TMEM132D: variants seen among roughly 807,000 people sequenced by gnomAD.
The protein encoded by TMEM132D is mature OL transmembrane protein.
Under a neutral mutation model 62.3 loss-of-function variants are expected in TMEM132D, and 21 were observed. That is an observed-to-expected ratio of 0.34 (90% CI 0.24 to 0.49). The LOEUF is 0.49. TMEM132D is among the 20% of genes least tolerant of loss of function. The pLI is 0.99. For missense variants in TMEM132D, 1,346 were observed against 1,402.8 expected, an observed-to-expected ratio of 0.96 and a Z score of 0.65; for synonymous variants, 621 against 575.6, an observed-to-expected ratio of 1.08 and a Z score of -1.13.
At chr12:129,160,964 C>T (rs539967382) in intron 5 of TMEM132D, among the ~76,000 whole-genome samples, 1 of 152,198 alleles carries the variant, frequency 6.6e-6, no homozygotes, top group Non-Finnish European at 1.5e-5. Flanking sequence ...TTGCATCACT[C>T]TCTGCAGAAA....
At chr12:129,215,280 AGAACACAT>A in intron 4 of TMEM132D, among the ~76,000 whole-genome samples, 1 of 152,306 alleles carries the variant, frequency 6.6e-6, no homozygotes, top group Admixed American at 6.5e-5. Flanking sequence ...CTAAATGATG[AGAACACAT>A]GAACACATAG....
chr12:129,553,369 C>A (rs1390190056), intron 2 of TMEM132D, among the ~76,000 whole-genome samples: 1 of 152,162 alleles, frequency 6.6e-6, no homozygotes, highest in Non-Finnish European at 1.5e-5. Flanking sequence ...TGTCTGTGCA[C>A]TGACAGGTCC....
At chr12:129,258,133 G>C (rs78537064) in intron 4 of TMEM132D, among the ~76,000 whole-genome samples, 11,098 of 152,178 alleles carry the variant, frequency 0.073, 579 homozygotes, top group Admixed American at 0.17. Context: ...ATCCTTTCCG[G>C]CTGGCTGATC....
intron 3 of TMEM132D, among the ~76,000 whole-genome samples, chr12:129,525,821 T>C (rs1876017297): frequency 6.6e-6 from 1 of 152,210 alleles, no homozygotes; most frequent in South Asian, 2.1e-4. Flanking sequence ...GGAATCATCA[T>C]TCGGATGGTA....
rs573746784 is a variant in TMEM132D at position 129,693,182 on chromosome 12, C to T, written c.968+6628G>A. Among the ~76,000 whole-genome samples the T allele has an allele frequency of 1.4e-3, 217 of 152,180 alleles. 2 individuals carry two copies. Among genetic ancestry groups the T allele is most frequent in the African/African-American group, 4.8e-3 (199 of 41,530 alleles). On this transcript the variant is annotated intron_variant, in intron 2 of 8. Coordinates refer to ENST00000422113, the MANE Select transcript of TMEM132D (RefSeq NM_133448.3). ...TTACTCACTAAGAAGAGGAATGAGG[C>T]GTGACAAGCCCTTCTCACCATTACT...
At chr12:129,801,024 G>T (rs553205693) in intron 1 of TMEM132D, among the ~76,000 whole-genome samples, 3 of 152,138 alleles carry the variant, frequency 2.0e-5, no homozygotes, top group Non-Finnish European at 2.9e-5. Flanking sequence ...AAAAAATGGC[G>T]CACCAGGAGA....
At chr12:129,605,614 T>C (rs61943515) in intron 2 of TMEM132D, among the ~76,000 whole-genome samples, 2,947 of 97,426 alleles carry the variant, frequency 0.03, 116 homozygotes, top group African/African-American at 0.081. Flanking sequence ...TACACACACA[T>C]ATATATATAC....
intron 4 of TMEM132D, among the ~76,000 whole-genome samples, chr12:129,318,520 A>T (rs535210162): frequency 2.6e-5 from 4 of 152,160 alleles, no homozygotes; most frequent in Non-Finnish European, 4.4e-5. Context: ...TCATCCATGG[A>T]TAACAGTGGC....
At chr12:129,460,243 G>A (rs192149934) in intron 3 of TMEM132D, among the ~76,000 whole-genome samples, 6 of 152,208 alleles carry the variant, frequency 3.9e-5, no homozygotes, top group Admixed American at 2.0e-4. Context: ...GTGTATTCCC[G>A]TGATGTCCGT....
At position 129,371,190 on chromosome 12, in the gene TMEM132D, G is replaced by A. The variant is rs534930194; in HGVS notation, c.1116-33373C>T. Among the ~76,000 whole-genome samples, 1 of 152,198 alleles carries A rather than the reference G, an allele frequency of 6.6e-6. No homozygotes were observed. Among genetic ancestry groups the A allele is most frequent in the South Asian group, 2.1e-4 (1 of 4,806 alleles). On this transcript the variant is annotated intron_variant, in intron 3 of 8. Transcript: ENST00000422113. The surrounding 1 kb of genome is among the most constrained non-coding windows in gnomAD (Gnocchi z 4.3). Reference sequence around the variant, plus strand: ...AGACTTGCTAAAACAAAGTCACACTGACTAAGTTTTCAAAAATATTACTTT... The same window carrying A: ...AGACTTGCTAAAACAAAGTCACACTAACTAAGTTTTCAAAAATATTACTTT...
At chr12:129,148,373 G>T (rs1489692785) in intron 5 of TMEM132D, among the ~76,000 whole-genome samples, 6 of 152,168 alleles carry the variant, frequency 3.9e-5, no homozygotes, top group Non-Finnish European at 8.8e-5. Context: ...AAATGGGGAG[G>T]TTATCCTGGT....
At chr12:129,660,346 A>C (rs1439298223) in intron 2 of TMEM132D, among the ~76,000 whole-genome samples, 3 of 151,990 alleles carry the variant, frequency 2.0e-5, no homozygotes, top group African/African-American at 7.3e-5. Flanking sequence ...GTCATGATGC[A>C]GCGTTCTTAC....
At position 129,084,712 on chromosome 12, in the gene TMEM132D, G is replaced by C. The variant is rs1327862861; in HGVS notation, c.1444-10C>G. ...CACATCTGTCAGAAACCTGTGAAGAGGTGAGAGAGAAAAGGGGAGGGAAAG... is the reference window on the plus strand; with the variant it reads ...CACATCTGTCAGAAACCTGTGAAGACGTGAGAGAGAAAAGGGGAGGGAAAG... On this transcript the variant is annotated splice_polypyrimidine_tract_variant and intron_variant, in intron 5 of 8. Transcript: ENST00000422113. The C allele has an allele frequency of 3.7e-6, 6 of 1,613,056 alleles. No individual in the cohort carries two copies. The highest frequency in any genetic ancestry group is 4.2e-6 in the Non-Finnish European group (5 of 1,179,568).
At chr12:129,299,555 A>G (rs2135626039) in intron 4 of TMEM132D, among the ~76,000 whole-genome samples, 1 of 151,726 alleles carries the variant, frequency 6.6e-6, no homozygotes, top group African/African-American at 2.4e-5. Context: ...AGCCCAGAGA[A>G]TGTTTTGTAT....
chr12:129,582,699 AC>A, intron 2 of TMEM132D, among the ~76,000 whole-genome samples: 1 of 148,130 alleles, frequency 6.8e-6, no homozygotes, highest in East Asian at 2.0e-4. Context: ...GCTCACTGCA[AC>A]CTCCGCCTCC....
intron 3 of TMEM132D, among the ~76,000 whole-genome samples, chr12:129,451,429 A>G (rs1365452976): frequency 6.6e-6 from 1 of 152,174 alleles, no homozygotes; most frequent in African/African-American, 2.4e-5. Context: ...GTTCCTGCAG[A>G]ATGAGCATTA....
chr12:129,668,179 T>C (rs1008104400), intron 2 of TMEM132D, among the ~76,000 whole-genome samples: 2 of 149,694 alleles, frequency 1.3e-5, no homozygotes, highest in Non-Finnish European at 3.0e-5. Context: ...GTTATTAGTA[T>C]GTGTCCTAAG....
At chr12:129,676,733 T>A (rs898177389) in intron 2 of TMEM132D, among the ~76,000 whole-genome samples, 2 of 152,202 alleles carry the variant, frequency 1.3e-5, no homozygotes, top group Non-Finnish European at 2.9e-5. Flanking sequence ...GTGAGTCACA[T>A]CTTAACAGGA....
At chr12:129,493,478 T>C (rs946832738) in intron 3 of TMEM132D, among the ~76,000 whole-genome samples, 1 of 152,226 alleles carries the variant, frequency 6.6e-6, no homozygotes, top group African/African-American at 2.4e-5. Context: ...AATTGTCTTC[T>C]TCAGAATCAG....
Sources: allele counts gnomAD v4.1 joint callset (sites outside exome capture counted in the v4.1 genomes callset), GRCh38; gene constraint gnomAD v4.1.1; non-coding constraint Gnocchi (gnomAD v3.1); transcripts MANE v1.5; gene names NCBI Gene and HGNC (gene_info 2026-07-23, HGNC 2026-07-21).